PDZD2: variants seen among roughly 807,000 people sequenced by gnomAD.
PDZD2 encodes the protein PDZ domain containing 2.
In PDZD2, 90 loss-of-function variants were observed where a neutral mutation model predicts 220.7. That is an observed-to-expected ratio of 0.41 (90% CI 0.34 to 0.49). The LOEUF (loss-of-function observed/expected upper bound fraction) is 0.49, where lower values mean the gene tolerates loss of function less well. Among genes scored for constraint, PDZD2 ranks in the 20% least tolerant of loss-of-function variants. The pLI is 0.28. For missense variants in PDZD2, 3,174 were observed against 3,608.5 expected (o/e 0.88, Z 3.08); for synonymous variants, 1,375 against 1,450.5 (o/e 0.95, Z 1.18).
intron 2 of PDZD2, among the ~76,000 whole-genome samples, chr5:31,820,007 C>T (rs1755732802): frequency 6.6e-6 from 1 of 152,198 alleles, no homozygotes; most frequent in Non-Finnish European, 1.5e-5. Context: ...GAGGATTTGG[C>T]AAGGGATTTT....
intron 2 of PDZD2, among the ~76,000 whole-genome samples, chr5:31,821,171 T>C (rs1220055615): frequency 6.6e-6 from 1 of 152,088 alleles, no homozygotes; most frequent in Non-Finnish European, 1.5e-5. Flanking sequence ...CTTCAGATCT[T>C]AGGATGATGT....
chr5:31,911,705 C>A (rs1307612768), intron 2 of PDZD2, among the ~76,000 whole-genome samples: 15 of 152,174 alleles, frequency 9.9e-5, no homozygotes, highest in Admixed American at 9.2e-4. Flanking sequence ...GTGATGGAGC[C>A]AGGAAAAGAG....
intron 1 of PDZD2, among the ~76,000 whole-genome samples, chr5:31,733,990 G>A (rs1313141530): frequency 6.6e-6 from 1 of 152,140 alleles, no homozygotes; most frequent in Non-Finnish European, 1.5e-5. Context: ...TCCCATTTCA[G>A]ATACCAATAT....
chr5:31,860,999 A>G (rs1288709392), intron 2 of PDZD2, among the ~76,000 whole-genome samples: 1 of 152,214 alleles, frequency 6.6e-6, no homozygotes, highest in East Asian at 1.9e-4. Context: ...AGAGACAAGC[A>G]TAGGAAAGAG....
At chr5:31,840,632 T>C (rs1757247649) in intron 2 of PDZD2, 1 of 721,996 alleles carries the variant, frequency 1.4e-6, no homozygotes, top group Non-Finnish European at 2.6e-6. Context: ...TCTTTCTTTT[T>C]CTGATCATTT....
Position 32,088,940 on chromosome 5 carries a change from A to C in PDZD2, c.5492A>C (p.Asp1831Ala). ...CCTCTAATGCCTGCCAGAAGTCCCG[A>C]CTCCAAGATTCAGATGGTGAGTTCA... ...EQPLMPARSP[D>A]SKIQMVSSSQ... The change falls in exon 20 of 25, where the codon GAC becomes GCC. Residue 1831 changes from aspartate to alanine, a missense_variant. This residue lies in a region of PDZD2 where 1,861 missense variants were observed against 2,001.0 expected (regional missense o/e 0.93). Transcript: ENST00000438447. This position sits in a 1 kb window ranked among gnomAD's most constrained non-coding sequence, Gnocchi z 4.6. 1 of 1,613,588 alleles carries C rather than the reference A, an allele frequency of 6.2e-7. No individual in the cohort carries two copies. Among genetic ancestry groups the C allele is most frequent in the Non-Finnish European group, 8.5e-7 (1 of 1,179,934 alleles).
intron 2 of PDZD2, chr5:31,832,633 C>T (rs12697262): frequency 0.71 from 108,578 of 152,048 alleles, 39,988 homozygotes; most frequent in African/African-American, 0.85. Flanking sequence ...CTGGCCAACA[C>T]GGTGAAACCC....
chr5:32,002,751 A>ACCC (rs1245803193), intron 5 of PDZD2, among the ~76,000 whole-genome samples: 4 of 18,708 alleles, frequency 2.1e-4, no homozygotes, highest in Non-Finnish European at 6.2e-4. Flanking sequence ...ACACCAACAC[A>ACCC]CACACCCCAC....
At chr5:31,717,388 T>A (rs1401159853) in intron 1 of PDZD2, among the ~76,000 whole-genome samples, 1 of 152,164 alleles carries the variant, frequency 6.6e-6, no homozygotes, top group African/African-American at 2.4e-5. Context: ...CATACATATA[T>A]TTATTATAAC....
intron 21 of PDZD2, among the ~76,000 whole-genome samples, chr5:32,095,430 T>C (rs28706135): frequency 1.3e-5 from 2 of 152,190 alleles, no homozygotes; most frequent in Non-Finnish European, 2.9e-5. Context: ...GTACTAAAAA[T>C]AGAACTGCAC....
chr5:31,778,401 A>G (rs898463151), intron 1 of PDZD2, among the ~76,000 whole-genome samples: 2 of 152,142 alleles, frequency 1.3e-5, no homozygotes, highest in African/African-American at 4.8e-5. Context: ...TTGGGTCTGC[A>G]CTGCCTTTAT....
At chr5:31,908,085 A>C in intron 2 of PDZD2, among the ~76,000 whole-genome samples, 1 of 82,562 alleles carries the variant, frequency 1.2e-5, no homozygotes, top group African/African-American at 5.7e-5. Flanking sequence ...TCCGTCTCAA[A>C]AAAAAAAAAA....
At chr5:31,985,546 A>G (rs1750646992) in intron 3 of PDZD2, among the ~76,000 whole-genome samples, 1 of 152,108 alleles carries the variant, frequency 6.6e-6, no homozygotes, top group Non-Finnish European at 1.5e-5. Flanking sequence ...TACAAAACTT[A>G]GGTGGGCATG....
intron 1 of PDZD2, among the ~76,000 whole-genome samples, chr5:31,715,983 A>T (rs1748421610): frequency 6.6e-6 from 1 of 152,208 alleles, no homozygotes; most frequent in South Asian, 2.1e-4. Flanking sequence ...TCTACAGGGT[A>T]TATGGAGAAG....
At chr5:31,769,751 G>T (rs771834361) in intron 1 of PDZD2, among the ~76,000 whole-genome samples, 6 of 152,204 alleles carry the variant, frequency 3.9e-5, no homozygotes, top group Non-Finnish European at 8.8e-5. Flanking sequence ...AGGCCACAGA[G>T]TCTAGAGTTA....
intron 6 of PDZD2, among the ~76,000 whole-genome samples, chr5:32,032,898 A>G (rs1755236515): frequency 6.6e-6 from 1 of 152,146 alleles, no homozygotes; most frequent in Non-Finnish European, 1.5e-5. Context: ...CTCTCTACAA[A>G]ATCAGATGCT....
At chr5:31,969,486 G>GT in intron 2 of PDZD2, among the ~76,000 whole-genome samples, 1 of 114,988 alleles carries the variant, frequency 8.7e-6, no homozygotes, top group Middle Eastern at 6.2e-3. Flanking sequence ...TCCAGGCTGG[G>GT]TGACAGAGCA....
intron 1 of PDZD2, among the ~76,000 whole-genome samples, chr5:31,683,607 G>A (rs1175430079): frequency 6.6e-6 from 1 of 152,294 alleles, no homozygotes; most frequent in African/African-American, 2.4e-5. Flanking sequence ...CACATAACGT[G>A]CCTGGGAGAT....
In PDZD2 at chr5:31,987,062, A is replaced by G. The variant is rs576923127; in HGVS notation, c.978+3406A>G. ...AAAACAATCTCCTAGGACATAGACA[A>G]ACTATTTTAGGCATGAGTTCAAAGT... On this transcript the variant is annotated intron_variant, in intron 3 of 24. Coordinates refer to ENST00000438447, the MANE Select transcript of PDZD2 (RefSeq NM_178140.4). 4.6e-5 allele frequency among the ~76,000 whole-genome samples: 7 copies of G among 152,308 alleles called. No individual in the cohort carries two copies. The South Asian group carries it at 1.5e-3, about 32-fold the overall frequency.
Sources: allele counts gnomAD v4.1 joint callset (sites outside exome capture counted in the v4.1 genomes callset), GRCh38; gene constraint gnomAD v4.1.1; regional missense constraint gnomAD v4.1.1; non-coding constraint Gnocchi (gnomAD v3.1); transcripts MANE v1.5; gene names NCBI Gene and HGNC (gene_info 2026-07-23, HGNC 2026-07-21).